Variants in RANBP2 observed in about 807,000 individuals in gnomAD.
RANBP2 encodes the protein RAN binding protein 2.
Under a neutral mutation model 303.6 loss-of-function variants are expected in RANBP2, and 57 were observed. The observed-to-expected ratio is 0.19, with a 90% CI of 0.15 to 0.23. The LOEUF (loss-of-function observed/expected upper bound fraction) is 0.23, where lower values mean the gene tolerates loss of function less well. Among genes scored for constraint, RANBP2 ranks in the 10% least tolerant of loss-of-function variants. RANBP2 has a pLI of 1.00. For synonymous variants in RANBP2, 1,167 were observed against 1,301.5 expected, an observed-to-expected ratio of 0.90 and a Z score of 2.23; for missense variants, 3,138 against 3,780.8, an observed-to-expected ratio of 0.83 and a Z score of 4.46.
chr2:109,717,272 CAAAA>C, the RANBP2 span, among the ~76,000 whole-genome samples: 2 of 124,794 alleles, frequency 1.6e-5, no homozygotes, highest in East Asian at 2.2e-4. Context: ...AAAAACAAAC[CAAAA>C]AAAAAAAAAA....
At chr2:109,671,905 C>T in the RANBP2 span, among the ~76,000 whole-genome samples, 4 of 152,096 alleles carry the variant, frequency 2.6e-5, no homozygotes, top group Non-Finnish European at 5.9e-5. Flanking sequence ...CCTGTTTTTC[C>T]TACTTTCTTC....
Position 108,763,902 on chromosome 2 carries a change from G to C in RANBP2, c.3363G>C (p.Lys1121Asn), listed in dbSNP as rs112835359. The change falls in exon 20 of 29, where the codon AAG becomes AAC. Residue 1121 changes from lysine (K) to asparagine (N), a missense_variant. By Grantham distance (94) the Lys-to-Asn change is moderately conservative. Around this residue, in one of 20 missense-constraint regions of RANBP2, gnomAD observed 403 missense variants for 376.7 expected, o/e 1.07. Transcript: ENST00000283195. The part of the protein sequence containing the change: ...FTENMGSSQQ[K>N]NSGFRRSDDM... ...AAAACATGGGGTCGAGTCAGCAAAA[G>C]AATTCTGGTTTTCGGCGAAGTGATG... 2 of 1,613,796 alleles carry C rather than the reference G, an allele frequency of 1.2e-6. No individual in the cohort carries two copies. Among genetic ancestry groups the C allele is most frequent in the Non-Finnish European group, 8.5e-7 (1 of 1,179,978 alleles).
intron 25 of RANBP2, among the ~76,000 whole-genome samples, chr2:108,780,992 A>G (rs1387707870): frequency 1.3e-5 from 2 of 151,966 alleles, no homozygotes; most frequent in Non-Finnish European, 1.5e-5. Context: ...TACAGGCGTG[A>G]GCCACTGCGC....
At chr2:109,320,719 A>G in the RANBP2 span, among the ~76,000 whole-genome samples, 1 of 152,238 alleles carries the variant, frequency 6.6e-6, no homozygotes, top group East Asian at 1.9e-4. Context: ...AGCCCCGCAG[A>G]TGAACAGACA....
At chr2:109,363,410 C>T in the RANBP2 span, among the ~76,000 whole-genome samples, 2 of 152,134 alleles carry the variant, frequency 1.3e-5, no homozygotes, top group African/African-American at 4.8e-5. Context: ...TTCTCTTGTA[C>T]ATGAGCATTG....
chr2:108,906,929 G>A, the RANBP2 span, among the ~76,000 whole-genome samples: 9 of 152,246 alleles, frequency 5.9e-5, no homozygotes, highest in African/African-American at 2.2e-4. Context: ...GACCAGGCTG[G>A]AGCCAGGATC....
the RANBP2 span, among the ~76,000 whole-genome samples, chr2:109,679,489 T>G: frequency 1.3e-5 from 2 of 152,256 alleles, no homozygotes; most frequent in Admixed American, 6.5e-5. Context: ...CATACATTTC[T>G]GTGCATATGT....
chr2:109,551,127 A>G, the RANBP2 span, among the ~76,000 whole-genome samples: 1 of 152,228 alleles, frequency 6.6e-6, no homozygotes, highest in Non-Finnish European at 1.5e-5. Context: ...CAGAACGTCA[A>G]CGATATTTGG....
the RANBP2 span, among the ~76,000 whole-genome samples, chr2:108,947,032 C>T: frequency 6.6e-6 from 1 of 152,192 alleles, no homozygotes; most frequent in Non-Finnish European, 1.5e-5. Context: ...CCTGTAAAAT[C>T]AAAAGCAAGT....
the RANBP2 span, among the ~76,000 whole-genome samples, chr2:109,226,679 T>C: frequency 6.6e-6 from 1 of 152,316 alleles, no homozygotes; most frequent in Admixed American, 6.5e-5. Context: ...ATCTGCTCCC[T>C]TTGTGGCTCC....
At chr2:109,132,999 G>A in the RANBP2 span, among the ~76,000 whole-genome samples, 1 of 152,194 alleles carries the variant, frequency 6.6e-6, no homozygotes, top group Non-Finnish European at 1.5e-5. Context: ...AGCCTATACA[G>A]AACATCTTCT....
chr2:109,130,516 G>A, the RANBP2 span, among the ~76,000 whole-genome samples: 1 of 152,172 alleles, frequency 6.6e-6, no homozygotes, highest in Admixed American at 6.5e-5. Flanking sequence ...TAACGTTTCT[G>A]ACAGGGCTCT....
At chr2:109,164,321 C>G in the RANBP2 span, among the ~76,000 whole-genome samples, 1 of 152,126 alleles carries the variant, frequency 6.6e-6, no homozygotes, top group African/African-American at 2.4e-5. Context: ...GTAGCTAGGA[C>G]TACAGCACAG....
At chr2:108,955,792 C>T in the RANBP2 span, among the ~76,000 whole-genome samples, 4 of 152,050 alleles carry the variant, frequency 2.6e-5, no homozygotes, top group South Asian at 4.1e-4. Context: ...TTTGGGAGGC[C>T]GAGGCGGGCA....
the RANBP2 span, among the ~76,000 whole-genome samples, chr2:109,308,993 G>A: frequency 1.2e-5 from 1 of 80,860 alleles, no homozygotes; most frequent in Middle Eastern, 5.0e-3. Context: ...GGATGGCATT[G>A]AATCTGTAAA....
At chr2:108,761,718 T>C (rs1676742612) in intron 18 of RANBP2, among the ~76,000 whole-genome samples, 2 of 152,134 alleles carry the variant, frequency 1.3e-5, no homozygotes, top group South Asian at 2.1e-4. Context: ...CCACTTCAAA[T>C]GCATTGACCA....
chr2:109,199,848 G>T, the RANBP2 span, among the ~76,000 whole-genome samples: 1,568 of 43,792 alleles, frequency 0.036, 1 homozygote, highest in African/African-American at 0.097. Context: ...GGAATGGAAT[G>T]GAAATAACAA....
chr2:108,771,884 T>C lies in RANBP2; in HGVS notation c.8020+13T>C, dbSNP rs1185536332. 2.5e-6 allele frequency: 4 copies of C among 1,613,904 alleles called. No homozygotes were observed. Among genetic ancestry groups the C allele is most frequent in the Non-Finnish European group, 2.5e-6 (3 of 1,179,856 alleles). On this transcript the variant is annotated intron_variant, in intron 21 of 28. Coordinates refer to ENST00000283195, the MANE Select transcript of RANBP2 (RefSeq NM_006267.5). ...GAAGAGGAGGATGGTAAAACTTTTG[T>C]TATTTCAAAAATCCTCTGTTCCCGC...
the RANBP2 span, among the ~76,000 whole-genome samples, chr2:108,832,293 CT>C: frequency 6.6e-6 from 1 of 151,316 alleles, no homozygotes; most frequent in South Asian, 2.1e-4. Flanking sequence ...TCCCAAAGTG[CT>C]GAGATTACAG....
Sources: gnomAD v4.1 joint callset for allele counts (sites outside exome capture counted in the v4.1 genomes callset) on GRCh38, gnomAD v4.1.1 for gene constraint, gnomAD v4.1.1 regional missense constraint, MANE v1.5 for transcripts, NCBI Gene and HGNC (gene_info 2026-07-23, HGNC 2026-07-21) for gene names.